Variants in DAP observed in about 807,000 individuals in gnomAD.
DAP encodes the protein death associated protein.
In DAP, 8 loss-of-function variants were observed where a neutral mutation model predicts 13.8. The ratio of observed to expected loss-of-function variants is 0.58; its 90% CI spans 0.34 to 1.05. The LOEUF (loss-of-function observed/expected upper bound fraction) is 1.05. Among genes scored for constraint, DAP ranks in the 50% least tolerant of loss-of-function variants. The pLI is 0.03. For synonymous variants in DAP, 47 were observed against 47.5 expected (o/e 0.99, Z 0.04); for missense variants, 106 against 133.2 (o/e 0.80, Z 1.01).
At chr5:10,745,445 G>T (rs1008132441) in intron 2 of DAP, among the ~76,000 whole-genome samples, 1 of 152,060 alleles carries the variant, frequency 6.6e-6, no homozygotes, top group Non-Finnish European at 1.5e-5. Flanking sequence ...CCCTGCAGTC[G>T]GCCTGCTTCA....
At chr5:10,732,779 G>C (rs4701882) in intron 2 of DAP, among the ~76,000 whole-genome samples, 13,016 of 152,116 alleles carry the variant, frequency 0.086, 762 homozygotes, top group East Asian at 0.29. Flanking sequence ...CTTGTTTTTT[G>C]TTTTAAAAAT....
chr5:10,750,788 C>CT (rs1464574223), intron 1 of DAP, among the ~76,000 whole-genome samples: 15 of 152,116 alleles, frequency 9.9e-5, no homozygotes, highest in African/African-American at 3.4e-4. Flanking sequence ...TCCTGGGAGA[C>CT]TTGGAGGAGG....
intron 1 of DAP, among the ~76,000 whole-genome samples, chr5:10,759,408 G>C (rs1740282624): frequency 6.6e-6 from 1 of 152,110 alleles, no homozygotes. Flanking sequence ...TGGTGGAATG[G>C]AAGTCAGTTA....
At chr5:10,747,289 A>C (rs1279489049) in intron 2 of DAP, among the ~76,000 whole-genome samples, 1 of 152,200 alleles carries the variant, frequency 6.6e-6, no homozygotes, top group Non-Finnish European at 1.5e-5. Context: ...AGTCGAGAGA[A>C]ATGGATTCCT....
At chr5:10,758,629 C>G (rs918320143) in intron 1 of DAP, among the ~76,000 whole-genome samples, 26 of 152,172 alleles carry the variant, frequency 1.7e-4, no homozygotes, top group Non-Finnish European at 2.9e-4. Flanking sequence ...GTGAGACTCA[C>G]TGCAGCAAAC....
In DAP at chr5:10,709,376, G is replaced by A. The variant is rs543990089; in HGVS notation, c.153-25805C>T. Among the ~76,000 whole-genome samples the A allele has an allele frequency of 8.5e-5, 13 of 152,342 alleles. No individual in the cohort carries two copies. In the East Asian group the frequency reaches 2.5e-3, roughly 29 times the overall value. Reference sequence around the variant, plus strand: ...GCTCACACAGTGTGACTACTGCATGGTGTGGTGTGCCAGACCCAAACGCAG... The same window carrying A: ...GCTCACACAGTGTGACTACTGCATGATGTGGTGTGCCAGACCCAAACGCAG... On this transcript the variant is annotated intron_variant, in intron 2 of 3. Transcript: ENST00000230895.
intron 1 of DAP, among the ~76,000 whole-genome samples, chr5:10,750,410 A>G (rs988683787): frequency 4.6e-5 from 7 of 152,110 alleles, no homozygotes; most frequent in Non-Finnish European, 8.8e-5. Flanking sequence ...AAAAGGGCAA[A>G]AGAGAGCAAG....
chr5:10,694,406 A>ACG (rs753097025), intron 2 of DAP, among the ~76,000 whole-genome samples: 1 of 151,934 alleles, frequency 6.6e-6, no homozygotes, highest in African/African-American at 2.4e-5. Flanking sequence ...ACACACACAC[A>ACG]CACGCACATA....
chr5:10,747,261 C>A (rs1016952321), intron 2 of DAP, among the ~76,000 whole-genome samples: 10 of 152,192 alleles, frequency 6.6e-5, no homozygotes, highest in Non-Finnish European at 1.3e-4. Flanking sequence ...GTTAGTGGTG[C>A]CTGTTTGCGT....
At position 10,691,033 on chromosome 5, in the gene DAP, A is replaced by G. The variant is rs115946952; in HGVS notation, c.153-7462T>C. Among the ~76,000 whole-genome samples the G allele has an allele frequency of 5.9e-3, 906 of 152,336 alleles. 16 individuals are homozygous for G. Among genetic ancestry groups the G allele is most frequent in the African/African-American group, 0.021 (862 of 41,560 alleles). ...AAGTATCGTACTGTGGTTTAGATTTAGCAACTAATTTTAAGAATAAGCTTC... is the reference window on the plus strand; with the variant it reads ...AAGTATCGTACTGTGGTTTAGATTTGGCAACTAATTTTAAGAATAAGCTTC... On this transcript the variant is annotated intron_variant, in intron 2 of 3. Coordinates refer to ENST00000230895, the MANE Select transcript of DAP (RefSeq NM_004394.3).
intron 2 of DAP, among the ~76,000 whole-genome samples, chr5:10,700,739 T>C (rs1738556694): frequency 6.6e-6 from 1 of 152,202 alleles, no homozygotes; most frequent in East Asian, 1.9e-4. Flanking sequence ...CCGGCCTTGC[T>C]GCGGCAAGAG....
chr5:10,726,255 A>G (rs116672485), intron 2 of DAP, among the ~76,000 whole-genome samples: 53 of 152,356 alleles, frequency 3.5e-4, no homozygotes, highest in South Asian at 2.5e-3. Flanking sequence ...ACAGTGAAAG[A>G]ATAAACTGTT....
At chr5:10,717,309 T>C (rs1039164111) in intron 2 of DAP, among the ~76,000 whole-genome samples, 1 of 152,208 alleles carries the variant, frequency 6.6e-6, no homozygotes, top group Non-Finnish European at 1.5e-5. Context: ...CAAGCCCTTA[T>C]GATGTGAGTG....
At position 10,726,920 on chromosome 5, in the gene DAP, A is replaced by T. The variant is rs116190024; in HGVS notation, c.152+21255T>A. Among the ~76,000 whole-genome samples, 695 of 152,268 alleles carry T rather than the reference A, an allele frequency of 4.6e-3. 2 individuals are homozygous for T. Among genetic ancestry groups the T allele is most frequent in the African/African-American group, 0.015 (641 of 41,560 alleles). On this transcript the variant is annotated intron_variant, in intron 2 of 3. Transcript: ENST00000230895. ...CAAGTGTCACTTATGCATGTAGTGG[A>T]ATCATCACAGAAGAGAAGCCCCAGA...
At chr5:10,723,027 C>T (rs1739198074) in intron 2 of DAP, among the ~76,000 whole-genome samples, 1 of 152,192 alleles carries the variant, frequency 6.6e-6, no homozygotes, top group African/African-American at 2.4e-5. Context: ...GAAGGGACAG[C>T]CATCTTTCAG....
In DAP at chr5:10,707,915, C is replaced by A. The variant is rs1738738856; in HGVS notation, c.153-24344G>T. Among the ~76,000 whole-genome samples the A allele has an allele frequency of 6.6e-6, 1 of 152,288 alleles. No homozygotes were observed. The highest frequency in any genetic ancestry group is 3.4e-3 in the Middle Eastern group (1 of 294). ...GTGCCTCACCCCATGCTGTCGCTAC[C>A]TCCAAGTGGCTCTAATTCTTATTTA... On this transcript the variant is annotated intron_variant, in intron 2 of 3. Coordinates refer to ENST00000230895, the MANE Select transcript of DAP (RefSeq NM_004394.3). The surrounding 1 kb of genome is among the most constrained non-coding windows in gnomAD (Gnocchi z 4.0).
chr5:10,756,276 T>C (rs1429355882), intron 1 of DAP, among the ~76,000 whole-genome samples: 1 of 140,702 alleles, frequency 7.1e-6, no homozygotes, highest in Non-Finnish European at 1.5e-5. Flanking sequence ...ACCTCTTACC[T>C]GGACCATTCA....
At chr5:10,754,272 A>G (rs979047967) in intron 1 of DAP, among the ~76,000 whole-genome samples, 17 of 152,218 alleles carry the variant, frequency 1.1e-4, no homozygotes, top group East Asian at 7.7e-4. Context: ...GAAGACCCCA[A>G]TGAGAACCTT....
intron 2 of DAP, among the ~76,000 whole-genome samples, chr5:10,721,539 T>C (rs1739141303): frequency 6.6e-6 from 1 of 151,866 alleles, no homozygotes; most frequent in South Asian, 2.1e-4. Context: ...TAAGGAAGAG[T>C]ATGCATGGAA....
Sources: gnomAD v4.1 joint callset for allele counts (sites outside exome capture counted in the v4.1 genomes callset) on GRCh38, gnomAD v4.1.1 for gene constraint, Gnocchi (gnomAD v3.1) non-coding constraint, MANE v1.5 for transcripts, NCBI Gene and HGNC (gene_info 2026-07-23, HGNC 2026-07-21) for gene names.